SNX24: variants seen among roughly 807,000 people sequenced by gnomAD.
The protein encoded by SNX24 is sorting nexin-24.
Under a neutral mutation model 28.7 loss-of-function variants are expected in SNX24, and 22 were observed. The observed-to-expected ratio is 0.77, with a 90% CI of 0.55 to 1.10. SNX24 has a LOEUF of 1.10. Ranked by LOEUF, SNX24 falls within the 50% of genes least tolerant of loss-of-function variation. The pLI is 0.00. For missense variants in SNX24, 221 were observed against 201.1 expected, an observed-to-expected ratio of 1.10 and a Z score of -0.60; for synonymous variants, 69 against 71.5, an observed-to-expected ratio of 0.96 and a Z score of 0.18.
chr5:122,927,529 C>T (rs913540341), intron 1 of SNX24, among the ~76,000 whole-genome samples: 2 of 152,070 alleles, frequency 1.3e-5, no homozygotes, highest in African/African-American at 4.8e-5. Context: ...GATTCAACAT[C>T]TTAGGGAGAA....
intron 1 of SNX24, among the ~76,000 whole-genome samples, chr5:122,892,860 C>A (rs1757033021): frequency 6.6e-6 from 1 of 151,902 alleles, no homozygotes; most frequent in African/African-American, 2.4e-5. Flanking sequence ...GCTCTGCCTC[C>A]CAGGTTCAAG....
At chr5:123,021,255 C>T (rs1265724301) in intron 5 of SNX24, among the ~76,000 whole-genome samples, 1 of 152,160 alleles carries the variant, frequency 6.6e-6, no homozygotes, top group East Asian at 1.9e-4. Context: ...GTCACCTTCA[C>T]AAGAACCACA....
chr5:122,930,003 A>G (rs1758880227), intron 1 of SNX24, among the ~76,000 whole-genome samples: 1 of 152,146 alleles, frequency 6.6e-6, no homozygotes, highest in African/African-American at 2.4e-5. Flanking sequence ...TAGACATGGA[A>G]TTCTGCATTA....
chr5:122,978,285 A>C (rs1761250101), intron 3 of SNX24, among the ~76,000 whole-genome samples: 1 of 152,236 alleles, frequency 6.6e-6, no homozygotes. Flanking sequence ...GTTTTGTAAT[A>C]GTTATCTGGA....
chr5:123,021,567 A>T (rs936731679), intron 5 of SNX24, among the ~76,000 whole-genome samples: 22 of 152,226 alleles, frequency 1.4e-4, no homozygotes, highest in Non-Finnish European at 2.4e-4. Flanking sequence ...CCAAAAAGTT[A>T]TAAATGTTTG....
intron 6 of SNX24, among the ~76,000 whole-genome samples, chr5:123,004,881 A>C (rs1297142940): frequency 3.2e-5 from 3 of 93,354 alleles, no homozygotes; most frequent in Non-Finnish European, 9.9e-5. Context: ...ACCCATTCAC[A>C]ATACATGTTC....
At chr5:123,021,635 G>A (rs1189459580) in intron 5 of SNX24, among the ~76,000 whole-genome samples, 2 of 152,160 alleles carry the variant, frequency 1.3e-5, no homozygotes, top group Non-Finnish European at 2.9e-5. Flanking sequence ...CCTTATAGCA[G>A]ATAAAATAAT....
At chr5:122,854,676 C>T (rs542049022) in intron 1 of SNX24, among the ~76,000 whole-genome samples, 37 of 152,054 alleles carry the variant, frequency 2.4e-4, no homozygotes, top group African/African-American at 8.2e-4. Flanking sequence ...TTTCAACTTG[C>T]TTTTTTTACT....
In SNX24 at chr5:123,008,448, C is replaced by A. The variant is rs1214266383; in HGVS notation, c.*699C>A. The A allele has an allele frequency of 9.4e-6, 2 of 212,748 alleles. No individual in the cohort carries two copies. The highest frequency in any genetic ancestry group is 6.5e-5 in the Admixed American group (1 of 15,284). 13.2% of individuals were successfully genotyped at this position (212,748 alleles called of 1,614,324 possible). ...CTTTAGAAGGGTGCCATGTTGGAAA[C>A]CTGTACATCCACAACAAGTAGCTTT... On this transcript the variant is annotated 3_prime_UTR_variant, in exon 7 of 7. Transcript: ENST00000261369.
intron 1 of SNX24, among the ~76,000 whole-genome samples, chr5:122,925,578 C>G (rs1201770876): frequency 6.6e-6 from 1 of 152,018 alleles, no homozygotes; most frequent in Non-Finnish European, 1.5e-5. Context: ...TCTTTATTTT[C>G]ATAGCTTTTG....
chr5:122,997,688 T>C (rs1762098646), intron 3 of SNX24, among the ~76,000 whole-genome samples: 2 of 152,196 alleles, frequency 1.3e-5, no homozygotes, highest in African/African-American at 4.8e-5. Context: ...ATGACACGTC[T>C]AAAGATCCTG....
chr5:122,972,728 C>T (rs1205566253), intron 3 of SNX24, among the ~76,000 whole-genome samples: 5 of 152,180 alleles, frequency 3.3e-5, no homozygotes, highest in African/African-American at 1.2e-4. Flanking sequence ...AAACCCATAT[C>T]TGGAGTAAGT....
chr5:122,999,677 A>G (rs754765777), intron 3 of SNX24, among the ~76,000 whole-genome samples: 10 of 152,290 alleles, frequency 6.6e-5, no homozygotes, highest in Admixed American at 2.6e-4. Flanking sequence ...TAGGTGCTCT[A>G]TAAATGCCAG....
intron 1 of SNX24, among the ~76,000 whole-genome samples, chr5:122,909,849 G>A (rs1020139911): frequency 1.4e-4 from 21 of 152,262 alleles, no homozygotes; most frequent in Admixed American, 1.2e-3. Context: ...AAAGGAATGC[G>A]CCATTACTAC....
intron 1 of SNX24, among the ~76,000 whole-genome samples, chr5:122,914,208 G>C (rs1258926952): frequency 6.6e-6 from 1 of 152,160 alleles, no homozygotes; most frequent in African/African-American, 2.4e-5. Context: ...TTATTGATTT[G>C]CATATATTGA....
intron 3 of SNX24, among the ~76,000 whole-genome samples, chr5:122,971,432 G>A (rs1319345173): frequency 1.3e-5 from 2 of 152,080 alleles, no homozygotes; most frequent in Admixed American, 6.5e-5. Context: ...CAGTCAAATT[G>A]ACACTCAGTA....
intron 5 of SNX24, chr5:123,029,180 A>G: frequency 1.3e-6 from 2 of 1,535,126 alleles, no homozygotes; most frequent in Non-Finnish European, 8.8e-7. Flanking sequence ...TAATTGGAAA[A>G]TAAAGTCAAA....
At chr5:122,864,982 C>T (rs1164868829) in intron 1 of SNX24, among the ~76,000 whole-genome samples, 1 of 152,212 alleles carries the variant, frequency 6.6e-6, no homozygotes, top group African/African-American at 2.4e-5. Flanking sequence ...CAGGAATGAA[C>T]AAGGACAGCT....
chr5:122,846,445 G>A (rs1326421858), intron 1 of SNX24, among the ~76,000 whole-genome samples: 1 of 152,232 alleles, frequency 6.6e-6, no homozygotes, highest in Non-Finnish European at 1.5e-5. Context: ...ATGTCTGAGT[G>A]TGTGTACACC....
Sources: gnomAD v4.1 joint callset for allele counts (sites outside exome capture counted in the v4.1 genomes callset) on GRCh38, gnomAD v4.1.1 for gene constraint, MANE v1.5 for transcripts, NCBI Gene and HGNC (gene_info 2026-07-23, HGNC 2026-07-21) for gene names.